LINGO2: variants seen among roughly 807,000 people sequenced by gnomAD.
The protein encoded by LINGO2 is leucine rich repeat and Ig domain containing 2.
Under a neutral mutation model 30.6 loss-of-function variants are expected in LINGO2, and 14 were observed. The observed-to-expected ratio is 0.46, with a 90% confidence interval of 0.30 to 0.72. The LOEUF (loss-of-function observed/expected upper bound fraction) is 0.72. Among genes scored for constraint, LINGO2 ranks in the 30% least tolerant of loss-of-function variants. The probability of loss-of-function intolerance (pLI) is 0.07; values close to 1 mark genes in which losing one functional copy is unlikely to be tolerated. For missense variants in LINGO2, 729 were observed against 751.7 expected, an observed-to-expected ratio of 0.97 and a Z score of 0.35; for synonymous variants, 317 against 288.5, an observed-to-expected ratio of 1.10 and a Z score of -1.00.
At chr9:28,721,934 C>G in the LINGO2 span, among the ~76,000 whole-genome samples, 1 of 151,812 alleles carries the variant, frequency 6.6e-6, no homozygotes, top group Non-Finnish European at 1.5e-5. Flanking sequence ...TTTCAATATA[C>G]ATAACTAATG....
chr9:28,838,144 C>A, the LINGO2 span, among the ~76,000 whole-genome samples: 1 of 152,060 alleles, frequency 6.6e-6, no homozygotes, highest in Admixed American at 6.5e-5. Flanking sequence ...TCCCTTTTCA[C>A]CCCCATTTTG....
At chr9:28,433,943 C>A (rs953963644) in intron 2 of LINGO2, among the ~76,000 whole-genome samples, 18 of 50,862 alleles carry the variant, frequency 3.5e-4, no homozygotes, top group Admixed American at 1.1e-3. Context: ...CTCTCTCTCT[C>A]TCTCTCTATA....
intron 4 of LINGO2, among the ~76,000 whole-genome samples, chr9:28,013,854 G>C (rs1375280472): frequency 6.6e-6 from 1 of 152,174 alleles, no homozygotes; most frequent in Non-Finnish European, 1.5e-5. Flanking sequence ...GTTTTAACTA[G>C]TTGTCAGATT....
intron 2 of LINGO2, among the ~76,000 whole-genome samples, chr9:28,469,321 T>A (rs1191898659): frequency 6.7e-6 from 1 of 150,144 alleles, no homozygotes; most frequent in Non-Finnish European, 1.5e-5. Flanking sequence ...CTAAGGGACT[T>A]ACAGTAAACC....
At chr9:28,331,116 T>C (rs72709393) in intron 3 of LINGO2, among the ~76,000 whole-genome samples, 8,131 of 152,050 alleles carry the variant, frequency 0.053, 341 homozygotes, top group African/African-American at 0.12. Context: ...AGTATTCAAC[T>C]GAAACAAAAG....
chr9:28,598,109 G>A (rs1825278414), intron 1 of LINGO2, among the ~76,000 whole-genome samples: 1 of 152,018 alleles, frequency 6.6e-6, no homozygotes, highest in African/African-American at 2.4e-5. Flanking sequence ...TGAATAAGTA[G>A]GTAGCTTATA....
intron 2 of LINGO2, among the ~76,000 whole-genome samples, chr9:28,458,303 C>G (rs1824935190): frequency 1.3e-5 from 2 of 152,124 alleles, no homozygotes; most frequent in South Asian, 4.1e-4. Context: ...AAGGCACAAG[C>G]TCCTATATTT....
chr9:28,213,728 A>G lies in LINGO2; in HGVS notation c.-87+81480T>C, dbSNP rs561473591. ...TAAATATCTCTAGGAATCACCAGAC[A>G]TCATAAATATTCTCAGTGGTTATAT... On this transcript the variant is annotated intron_variant, in intron 4 of 5. Coordinates refer to ENST00000379992, the Ensembl canonical transcript of LINGO2. Among the ~76,000 whole-genome samples, 19 of 151,620 alleles carry G rather than the reference A, an allele frequency of 1.3e-4. No homozygotes were observed. In the South Asian group the frequency reaches 3.9e-3, roughly 31 times the overall value.
the LINGO2 span, among the ~76,000 whole-genome samples, chr9:29,065,353 T>C: frequency 1.3e-5 from 2 of 152,162 alleles, no homozygotes; most frequent in East Asian, 1.9e-4. Flanking sequence ...CCAGGACCTA[T>C]GTCCAGAATG....
At chr9:28,158,575 TA>T (rs1201531152) in intron 4 of LINGO2, among the ~76,000 whole-genome samples, 1 of 152,154 alleles carries the variant, frequency 6.6e-6, no homozygotes, top group Non-Finnish European at 1.5e-5. Flanking sequence ...AAAATTGGAT[TA>T]AAACTCAATC....
the LINGO2 span, among the ~76,000 whole-genome samples, chr9:28,834,484 T>C: frequency 6.6e-6 from 1 of 152,196 alleles, no homozygotes; most frequent in Non-Finnish European, 1.5e-5. Flanking sequence ...TGTGTTAAAC[T>C]GACTTCGTGT....
the LINGO2 span, among the ~76,000 whole-genome samples, chr9:28,680,178 T>A: frequency 6.6e-6 from 1 of 151,984 alleles, no homozygotes; most frequent in Admixed American, 6.6e-5. Flanking sequence ...CTGAGTTCCA[T>A]TTTTTTAGAT....
At chr9:29,058,744 G>T in the LINGO2 span, among the ~76,000 whole-genome samples, 1 of 151,554 alleles carries the variant, frequency 6.6e-6, no homozygotes, top group African/African-American at 2.4e-5. Context: ...CCAAATACAG[G>T]GAAGGAATGA....
At chr9:28,043,569 T>A (rs781536213) in intron 4 of LINGO2, among the ~76,000 whole-genome samples, 1 of 152,228 alleles carries the variant, frequency 6.6e-6, no homozygotes, top group South Asian at 2.1e-4. Flanking sequence ...GCTGTTCTAG[T>A]TATTACCCCA....
chr9:28,220,174 A>T (rs971685094), intron 4 of LINGO2, among the ~76,000 whole-genome samples: 1 of 152,134 alleles, frequency 6.6e-6, no homozygotes, highest in African/African-American at 2.4e-5. Context: ...CATATAAGGG[A>T]CTAGAGAGTC....
At chr9:28,472,623 G>C (rs143191715) in intron 2 of LINGO2, among the ~76,000 whole-genome samples, 1 of 151,662 alleles carries the variant, frequency 6.6e-6, no homozygotes, top group Non-Finnish European at 1.5e-5. Flanking sequence ...TCTTCAACAA[G>C]TTTTTTTTCC....
chr9:28,269,827 G>C (rs28621073), intron 4 of LINGO2, among the ~76,000 whole-genome samples: 6,220 of 152,142 alleles, frequency 0.041, 395 homozygotes, highest in African/African-American at 0.14. Flanking sequence ...AGTACTGATT[G>C]TCTAACAGGC....
intron 5 of LINGO2, among the ~76,000 whole-genome samples, chr9:27,957,232 G>C (rs901319267): frequency 6.6e-6 from 1 of 152,166 alleles, no homozygotes; most frequent in South Asian, 2.1e-4. Context: ...CACCAGAATA[G>C]ATACAGTATG....
At chr9:28,708,346 G>A in the LINGO2 span, among the ~76,000 whole-genome samples, 2 of 152,056 alleles carry the variant, frequency 1.3e-5, no homozygotes, top group African/African-American at 4.8e-5. Flanking sequence ...GATCCCCAAG[G>A]AGAGCTCCTT....
Sources: allele counts gnomAD v4.1 joint callset (sites outside exome capture counted in the v4.1 genomes callset), GRCh38; gene constraint gnomAD v4.1.1; transcripts MANE v1.5; gene names NCBI Gene and HGNC (gene_info 2026-07-23, HGNC 2026-07-21).